GIT2: variants seen among roughly 807,000 people sequenced by gnomAD.
GIT2 encodes GIT ArfGAP 2, also known as ARF GTPase-activating protein GIT2.
In GIT2, 32 loss-of-function variants were observed where a neutral mutation model predicts 100.3. The observed-to-expected ratio is 0.32, with a 90% CI of 0.24 to 0.43. The LOEUF is 0.43. Ranked by LOEUF, GIT2 falls within the 20% of genes least tolerant of loss-of-function variation. The probability of loss-of-function intolerance (pLI) is 1.00; values close to 1 mark genes in which losing one functional copy is unlikely to be tolerated. For synonymous variants in GIT2, 353 were observed against 364.1 expected, an observed-to-expected ratio of 0.97 and a Z score of 0.35; for missense variants, 737 against 975.1, an observed-to-expected ratio of 0.76 and a Z score of 3.25.
intron 10 of GIT2, 43 bp from the exon 11 acceptor site, chr12:109,961,418 T>C (rs1184913927): frequency 8.0e-7 from 1 of 1,242,910 alleles, no homozygotes; most frequent in Non-Finnish European, 1.2e-6. Flanking sequence ...ATCACGCCTG[T>C]GTGCCACTGC....
intron 12 of GIT2, among the ~76,000 whole-genome samples, chr12:109,959,070 G>GT (rs777221325): frequency 0.019 from 2,623 of 140,108 alleles, 54 homozygotes; most frequent in African/African-American, 0.049. Context: ...TTTCTTTTCC[G>GT]TTTTTTTTTT....
At chr12:109,999,855 A>G (rs1889858970), upstream of GIT2, 1 of 1,371,258 alleles carries the variant, frequency 7.3e-7, no homozygotes, top group South Asian at 1.4e-5. This position sits in a 1 kb window ranked among gnomAD's most constrained non-coding sequence, Gnocchi z 4.3. Flanking sequence ...CGCCTCCCTG[A>G]GCCCATTTCC....
intron 18 of GIT2, among the ~76,000 whole-genome samples, chr12:109,937,470 G>A (rs1000920873): frequency 1.3e-5 from 2 of 152,132 alleles, no homozygotes; most frequent in Non-Finnish European, 2.9e-5. Context: ...TGCTGGTTTA[G>A]CTAATGTTTT....
intron 7 of GIT2, among the ~76,000 whole-genome samples, chr12:109,971,399 C>T (rs1038037698): frequency 2.0e-5 from 3 of 152,008 alleles, no homozygotes. Flanking sequence ...ATCTCAGGCT[C>T]ACTGCAACCT....
intron 7 of GIT2, among the ~76,000 whole-genome samples, chr12:109,972,662 C>T (rs767176208): frequency 2.6e-5 from 4 of 151,538 alleles, no homozygotes; most frequent in Non-Finnish European, 5.9e-5. Context: ...GGGGTTTCAC[C>T]ATGTTGGCCA....
chr12:109,979,272 CTTTTTTTTTTTT>C (rs11338613), intron 7 of GIT2, among the ~76,000 whole-genome samples: 3,947 of 86,060 alleles, frequency 0.046, 157 homozygotes, highest in African/African-American at 0.13. Flanking sequence ...CAGAAAAAGG[CTTTTTTTTTTTT>C]TTTTTTTTTG....
In GIT2 at chr12:109,932,915, G is replaced by A. The variant is rs144086693; in HGVS notation, c.*63C>T. The stretch of plus-strand genomic sequence containing the variant: ...TTTGTAGAAATCTGAAGAGTTCTGC[G>A]TCTGAATTTGAAATTGGACTTTATA... On this transcript the variant is annotated 3_prime_UTR_variant, in exon 20 of 20. Transcript: ENST00000355312. The A allele has an allele frequency of 4.0e-3, 3,604 of 896,792 alleles. 45 individuals are homozygous for A. The highest frequency in any genetic ancestry group is 0.031 in the African/African-American group (1,881 of 61,164). 55.6% of individuals were successfully genotyped at this position (896,792 alleles called of 1,614,324 possible).
intron 1 of GIT2, among the ~76,000 whole-genome samples, chr12:109,992,320 T>C (rs1470302313): frequency 6.6e-6 from 1 of 151,784 alleles, no homozygotes; most frequent in Non-Finnish European, 1.5e-5. Context: ...CTAATTTTTG[T>C]ATTTTTAGCT....
chr12:109,975,207 TTTTG>T (rs1328124639), intron 7 of GIT2, among the ~76,000 whole-genome samples: 1 of 152,144 alleles, frequency 6.6e-6, no homozygotes, highest in Non-Finnish European at 1.5e-5. Context: ...CCTTATGGTT[TTTTG>T]TTTATTTCTT....
chr12:109,970,050 C>T (rs1172530370), intron 7 of GIT2, among the ~76,000 whole-genome samples: 1 of 152,038 alleles, frequency 6.6e-6, no homozygotes, highest in East Asian at 1.9e-4. Context: ...GCCACCGTGC[C>T]CGGACCTCTT....
At chr12:109,965,908 T>C (rs77909433) in intron 8 of GIT2, 14,430 of 429,034 alleles carry the variant, frequency 0.034, 351 homozygotes, top group Non-Finnish European at 0.05. Context: ...AAGCATGATA[T>C]AAGAAAATAT....
chr12:109,967,358 T>G, intron 8 of GIT2, 100 bp downstream of exon 8: 1 of 1,584,414 alleles, frequency 6.3e-7, no homozygotes, highest in Non-Finnish European at 8.6e-7. Flanking sequence ...GAGAAAAATG[T>G]ATGGGCTTTG....
At chr12:109,978,195 G>C (rs1885548240) in intron 7 of GIT2, among the ~76,000 whole-genome samples, 1 of 148,362 alleles carries the variant, frequency 6.7e-6, no homozygotes, top group South Asian at 2.1e-4. Context: ...TGATTCTTGT[G>C]CCTCAGCTAC....
intron 4 of GIT2, among the ~76,000 whole-genome samples, chr12:109,986,149 T>C (rs1182483835): frequency 3.3e-5 from 5 of 152,024 alleles, no homozygotes; most frequent in African/African-American, 1.2e-4. Context: ...ACTAAAATTA[T>C]TCCAAACAAT....
chr12:109,947,620 C>T lies in GIT2; in HGVS notation c.1393-116G>A, dbSNP rs1359277646. ...AACAATAAGGACAGTAACAGCTAGC[C>T]GGGCTGAAAGTAAAAAGCCAATACA... On this transcript the variant is annotated intron_variant, in intron 14 of 19. Transcript: ENST00000355312. The surrounding 1 kb of genome is among the most constrained non-coding windows in gnomAD (Gnocchi z 4.3). The T allele has an allele frequency of 2.0e-5, 19 of 962,456 alleles. No homozygotes were observed. The highest frequency in any genetic ancestry group is 6.5e-5 in the African/African-American group (4 of 61,318). 59.6% of individuals were successfully genotyped at this position (962,456 alleles called of 1,614,324 possible). A position where few individuals can be genotyped will look rare whatever the true frequency, so the allele number is the denominator to read the frequency against.
At chr12:109,972,624 C>T (rs1884173896) in intron 7 of GIT2, among the ~76,000 whole-genome samples, 2 of 151,916 alleles carry the variant, frequency 1.3e-5, no homozygotes. Flanking sequence ...CCACCATGCC[C>T]AGTTAATTTT....
chr12:109,982,317 A>G (rs1378377602), intron 6 of GIT2: 1 of 152,240 alleles, frequency 6.6e-6, no homozygotes, highest in African/African-American at 2.4e-5. Context: ...CACAATGAAG[A>G]AACCCTATAT....
intron 4 of GIT2, among the ~76,000 whole-genome samples, chr12:109,984,436 T>G (rs958677138): frequency 6.6e-6 from 1 of 151,234 alleles, no homozygotes; most frequent in African/African-American, 2.4e-5. Flanking sequence ...ATAAAAAAAA[T>G]TTTAAAAGGT....
intron 17 of GIT2, chr12:109,938,823 G>T (rs1309558486): frequency 7.8e-6 from 4 of 514,176 alleles, no homozygotes; most frequent in South Asian, 2.9e-5. Context: ...AGCGGGGAGG[G>T]TGTTTGTTTA....
Sources: allele counts gnomAD v4.1 joint callset (sites outside exome capture counted in the v4.1 genomes callset), GRCh38; gene constraint gnomAD v4.1.1; non-coding constraint Gnocchi (gnomAD v3.1); transcripts MANE v1.5; gene names NCBI Gene and HGNC (gene_info 2026-07-23, HGNC 2026-07-21).